Variants in THRB observed in about 807,000 individuals in gnomAD.
THRB encodes the protein nuclear receptor subfamily 1 group A member 2.
A neutral mutation model predicts 47.8 loss-of-function variants in THRB; 12 were observed. That is an observed-to-expected ratio of 0.25 (90% CI 0.16 to 0.41). The LOEUF is 0.41. THRB is among the 10% of genes least tolerant of loss of function. THRB has a pLI of 1.00. For synonymous variants in THRB, 218 were observed against 212.2 expected (o/e 1.03, Z -0.24); for missense variants, 348 against 589.2 (o/e 0.59, Z 4.24).
intron 1 of THRB, among the ~76,000 whole-genome samples, chr3:24,378,481 C>T (rs1396201592): frequency 6.6e-6 from 1 of 151,924 alleles, no homozygotes; most frequent in African/African-American, 2.4e-5. Context: ...CTTGTGATCA[C>T]GGTGATCATG....
rs192115227 is a variant in THRB at position 24,136,515 on chromosome 3, A to G, written c.739-3053T>C. 6.6e-5 allele frequency among the ~76,000 whole-genome samples: 10 copies of G among 152,350 alleles called. 1 individual carries two copies. In the South Asian group the frequency reaches 1.0e-3, roughly 16 times the overall value. On this transcript the variant is annotated intron_variant, in intron 8 of 10. Coordinates refer to ENST00000646209, the MANE Select transcript of THRB (RefSeq NM_001354712.2). ...ACAAAAATACATAATTTTCTAAAAT[A>G]TTTGGAAGATGTTAAAAATAGAGTA...
intron 1 of THRB, among the ~76,000 whole-genome samples, chr3:24,425,731 T>C (rs1304856304): frequency 1.3e-5 from 2 of 151,914 alleles, no homozygotes. Context: ...TTCTAAATTT[T>C]CCATTGTGCA....
intron 5 of THRB, among the ~76,000 whole-genome samples, chr3:24,178,128 T>C (rs767698927): frequency 4.6e-5 from 7 of 152,152 alleles, no homozygotes; most frequent in Non-Finnish European, 7.4e-5. Flanking sequence ...TTAGAGGACT[T>C]TAGAAAATAT....
chr3:24,138,838 G>A (rs1368228379), intron 8 of THRB, among the ~76,000 whole-genome samples: 1 of 152,162 alleles, frequency 6.6e-6, no homozygotes, highest in Non-Finnish European at 1.5e-5. Context: ...GAAAAAGTAG[G>A]AAAGGTCTCC....
chr3:24,145,593 A>T (rs826385), intron 7 of THRB, among the ~76,000 whole-genome samples: 8 of 151,996 alleles, frequency 5.3e-5, no homozygotes, highest in Admixed American at 3.3e-4. Context: ...GAAAATACTC[A>T]GCCAGAGGTG....
At chr3:24,462,440 T>C (rs569932704) in intron 1 of THRB, among the ~76,000 whole-genome samples, 215 of 152,368 alleles carry the variant, frequency 1.4e-3, no homozygotes, top group South Asian at 0.014. Flanking sequence ...TCAAATTAAG[T>C]TGGTTCTATT....
intron 1 of THRB, among the ~76,000 whole-genome samples, chr3:24,466,988 A>C (rs1356974099): frequency 6.6e-6 from 1 of 152,186 alleles, no homozygotes; most frequent in Non-Finnish European, 1.5e-5. Context: ...TGTTTGATAG[A>C]ATTTTGCCCA....
intron 5 of THRB, among the ~76,000 whole-genome samples, chr3:24,158,185 C>A (rs1440194984): frequency 6.6e-6 from 1 of 152,142 alleles, no homozygotes; most frequent in Non-Finnish European, 1.5e-5. Context: ...ACTGGCAATA[C>A]TGAACCCAAA....
chr3:24,456,985 T>C (rs2073231764), intron 1 of THRB, among the ~76,000 whole-genome samples: 1 of 152,160 alleles, frequency 6.6e-6, no homozygotes, highest in Admixed American at 6.6e-5. Context: ...TGTCATCAAT[T>C]GGCAAACCTC....
chr3:24,126,597 C>G (rs990346588), intron 10 of THRB, among the ~76,000 whole-genome samples: 1 of 150,994 alleles, frequency 6.6e-6, no homozygotes, highest in African/African-American at 2.4e-5. Context: ...CTTACGTGGA[C>G]AAGTGAAGCA....
At chr3:24,437,937 G>A (rs2071134632) in intron 1 of THRB, among the ~76,000 whole-genome samples, 1 of 151,124 alleles carries the variant, frequency 6.6e-6, no homozygotes, top group African/African-American at 2.4e-5. Context: ...CTACTATTTT[G>A]CAAGCTCTTC....
At chr3:24,323,660 C>T (rs951400) in intron 2 of THRB, among the ~76,000 whole-genome samples, 1 of 151,938 alleles carries the variant, frequency 6.6e-6, no homozygotes, top group African/African-American at 2.4e-5. Context: ...AGATCAGAAA[C>T]ACCAATAGTT....
At chr3:24,202,093 G>A (rs145992844) in intron 4 of THRB, among the ~76,000 whole-genome samples, 15 of 152,220 alleles carry the variant, frequency 9.9e-5, no homozygotes, top group African/African-American at 3.1e-4. Flanking sequence ...CTGAGCATGC[G>A]ACACCCTTTA....
intron 1 of THRB, among the ~76,000 whole-genome samples, chr3:24,439,490 T>A (rs181270416): frequency 6.6e-6 from 1 of 152,198 alleles, no homozygotes; most frequent in African/African-American, 2.4e-5. Context: ...CATATGTTTC[T>A]ATATTCTTTA....
At chr3:24,245,253 A>G (rs1441452973) in intron 3 of THRB, among the ~76,000 whole-genome samples, 2 of 95,782 alleles carry the variant, frequency 2.1e-5, no homozygotes, top group African/African-American at 5.6e-5. Flanking sequence ...TTTGTGACCC[A>G]GCTGGCAAGG....
At chr3:24,433,098 C>T (rs967826) in intron 1 of THRB, among the ~76,000 whole-genome samples, 11 of 152,120 alleles carry the variant, frequency 7.2e-5, no homozygotes, top group South Asian at 2.1e-4. Flanking sequence ...CAATAACTAC[C>T]TAACTCTGTG....
At chr3:24,124,279 C>T (rs1426734447) in intron 10 of THRB, among the ~76,000 whole-genome samples, 7 of 152,284 alleles carry the variant, frequency 4.6e-5, no homozygotes, top group Middle Eastern at 3.4e-3. Flanking sequence ...AATGGCAATT[C>T]GTGCATTTTT....
At chr3:24,313,363 G>A (rs144686901) in intron 2 of THRB, among the ~76,000 whole-genome samples, 2 of 152,166 alleles carry the variant, frequency 1.3e-5, no homozygotes, top group Non-Finnish European at 2.9e-5. Context: ...CTTGGATGTA[G>A]TGCTCCATCA....
At chr3:24,188,773 CAT>C (rs2042938043) in intron 5 of THRB, among the ~76,000 whole-genome samples, 1 of 142,378 alleles carries the variant, frequency 7.0e-6, no homozygotes, top group Non-Finnish European at 1.5e-5. Flanking sequence ...CACACACACA[CAT>C]ACGTCCTACA....
Sources: allele counts gnomAD v4.1 joint callset (sites outside exome capture counted in the v4.1 genomes callset), GRCh38; gene constraint gnomAD v4.1.1; transcripts MANE v1.5; gene names NCBI Gene and HGNC (gene_info 2026-07-23, HGNC 2026-07-21).